Variants in MXI1 observed in about 807,000 individuals in gnomAD.
MXI1 encodes MAX interactor 1, dimerization protein.
Under a neutral mutation model 36.9 loss-of-function variants are expected in MXI1, and 18 were observed. The ratio of observed to expected loss-of-function variants is 0.49; its 90% confidence interval spans 0.34 to 0.72. The LOEUF is 0.72. Ranked by LOEUF, MXI1 falls within the 30% of genes least tolerant of loss-of-function variation. The pLI is 0.01. For missense variants in MXI1, 304 were observed against 379.1 expected (o/e 0.80, Z 1.64); for synonymous variants, 160 against 146.7 (o/e 1.09, Z -0.65).
At chr10:110,261,238 C>T (rs1348216468) in intron 3 of MXI1, 3 of 680,520 alleles carry the variant, frequency 4.4e-6, no homozygotes, top group Non-Finnish European at 1.8e-6. Context: ...TGCCAAGCCC[C>T]ATTCCTAATT....
intron 3 of MXI1, among the ~76,000 whole-genome samples, chr10:110,271,391 CCAGT>C (rs1444167385): frequency 1.3e-5 from 2 of 152,170 alleles, no homozygotes. Context: ...CCACTGTGTG[CCAGT>C]CATTCTGTTT....
intron 5 of MXI1, among the ~76,000 whole-genome samples, chr10:110,280,482 C>A (rs930952919): frequency 3.3e-5 from 5 of 151,706 alleles, no homozygotes; most frequent in African/African-American, 1.2e-4. Context: ...AGATCGAGGC[C>A]ATCCTGGCTA....
At chr10:110,210,404 G>T in intron 1 of MXI1, 1 of 520,580 alleles carries the variant, frequency 1.9e-6, no homozygotes, top group Non-Finnish European at 2.5e-6. Flanking sequence ...TCTTTTCGCC[G>T]CTGCTGTTTG....
In MXI1 at chr10:110,228,289, C is replaced by T; in HGVS notation, c.375C>T (p.Ser125=). ...GGTTGAGCCGGGCACAGAAACACAG[C>T]AGCGGGAGCAGCAACACCAGCACTG... ...PRRLSRAQKH[S]SGSSNTSTAN... is the part of the protein sequence containing the mutation. Residue 125 remains serine (S), a synonymous_variant, in exon 2 of 6, where the codon AGC becomes AGT. Coordinates refer to ENST00000332674, the MANE Select transcript of MXI1 (RefSeq NM_130439.3). The T allele has an allele frequency of 6.2e-7, 1 of 1,614,156 alleles. No individual in the cohort carries two copies. The highest frequency in any genetic ancestry group is 1.1e-5 in the South Asian group (1 of 91,078).
chr10:110,229,541 C>T (rs1855186786), intron 2 of MXI1, among the ~76,000 whole-genome samples: 1 of 152,176 alleles, frequency 6.6e-6, no homozygotes, highest in Non-Finnish European at 1.5e-5. Flanking sequence ...TCACTTTTCT[C>T]CTTTGACTTC....
intron 1 of MXI1, among the ~76,000 whole-genome samples, chr10:110,210,823 C>T (rs1854493341): frequency 6.6e-6 from 1 of 152,210 alleles, no homozygotes; most frequent in Non-Finnish European, 1.5e-5. Flanking sequence ...TAACGCGAGT[C>T]GGGGGGCGGG....
At position 110,244,949 on chromosome 10, in the gene MXI1, T is replaced by G. The variant is rs113218823; in HGVS notation, c.437+92T>G. The G allele has an allele frequency of 1.5e-5, 19 of 1,293,402 alleles. No homozygotes were observed. The Admixed American group carries it at 4.4e-4, about 30-fold the overall frequency. The allele number at this position is 1,293,402 out of a possible 1,614,324, so 80.1% of individuals were successfully genotyped here. On this transcript the variant is annotated intron_variant, in intron 3 of 5. Coordinates refer to ENST00000332674, the MANE Select transcript of MXI1 (RefSeq NM_130439.3). ...AATAATGTAATAGTGCATATGTAGT[T>G]GTAATTTTATTTTTCAGATGTATAG...
intron 1 of MXI1, among the ~76,000 whole-genome samples, chr10:110,213,950 C>A (rs1026154301): frequency 2.6e-5 from 4 of 152,228 alleles, no homozygotes; most frequent in African/African-American, 9.7e-5. Flanking sequence ...AAGTATGGGG[C>A]TATGCATTCA....
chr10:110,223,757 G>GA (rs1251994213), intron 1 of MXI1, among the ~76,000 whole-genome samples: 1 of 150,390 alleles, frequency 6.6e-6, no homozygotes, highest in Non-Finnish European at 1.5e-5. Context: ...AATGACCTGG[G>GA]AAAGTCCAGA....
intron 1 of MXI1, among the ~76,000 whole-genome samples, chr10:110,216,656 G>A (rs1403108547): frequency 1.2e-5 from 1 of 86,800 alleles, no homozygotes; most frequent in East Asian, 3.1e-4. Flanking sequence ...TCCCCTATCT[G>A]TGTTTAATGT....
chr10:110,267,460 C>A (rs1256794904), intron 3 of MXI1, among the ~76,000 whole-genome samples: 2 of 152,146 alleles, frequency 1.3e-5, no homozygotes, highest in Admixed American at 6.5e-5. Context: ...CCAAATATGT[C>A]ATTTTTCTTC....
At chr10:110,246,798 G>T (rs1221015196) in intron 3 of MXI1, among the ~76,000 whole-genome samples, 1 of 151,014 alleles carries the variant, frequency 6.6e-6, no homozygotes, top group Non-Finnish European at 1.5e-5. Context: ...TCGTTTTAAA[G>T]AATCTTTTCT....
intron 2 of MXI1, among the ~76,000 whole-genome samples, chr10:110,240,148 A>G (rs1211221383): frequency 2.0e-5 from 3 of 152,048 alleles, no homozygotes; most frequent in Non-Finnish European, 4.4e-5. Context: ...TTGTATGAAT[A>G]TTTCACAATT....
At chr10:110,262,900 A>C (rs1010950839) in intron 3 of MXI1, among the ~76,000 whole-genome samples, 2 of 152,148 alleles carry the variant, frequency 1.3e-5, no homozygotes, top group East Asian at 1.9e-4. Flanking sequence ...ATCCAAACTG[A>C]TCTCTCTAAA....
At chr10:110,255,262 C>T (rs1856244113) in intron 3 of MXI1, among the ~76,000 whole-genome samples, 1 of 152,166 alleles carries the variant, frequency 6.6e-6, no homozygotes, top group African/African-American at 2.4e-5. Flanking sequence ...TTGTTTATAG[C>T]ATAGTTTACT....
At chr10:110,255,690 A>T (rs1856261867) in intron 3 of MXI1, among the ~76,000 whole-genome samples, 1 of 152,228 alleles carries the variant, frequency 6.6e-6, no homozygotes, top group South Asian at 2.1e-4. Context: ...AGATGAAAAG[A>T]TATCCTGTGC....
intron 3 of MXI1, among the ~76,000 whole-genome samples, chr10:110,264,937 T>TC (rs1197663880): frequency 6.6e-6 from 1 of 150,936 alleles, no homozygotes; most frequent in African/African-American, 2.4e-5. Flanking sequence ...TGTTAAAAAT[T>TC]TTTTTTTTTT....
intron 3 of MXI1, among the ~76,000 whole-genome samples, chr10:110,246,585 T>C (rs1262539107): frequency 6.6e-6 from 1 of 152,182 alleles, no homozygotes; most frequent in African/African-American, 2.4e-5. Flanking sequence ...TAAGGCTGAA[T>C]AGGTAGCATT....
chr10:110,251,010 T>TTTTTTTTTTTTTTTTTTTTTTTTTG (rs376734108), intron 3 of MXI1, among the ~76,000 whole-genome samples: 2 of 54,974 alleles, frequency 3.6e-5, no homozygotes, highest in African/African-American at 2.0e-4. Flanking sequence ...AAGTATTTGT[T>TTTTTTTTTTTTTTTTTTTTTTTTTG]AAAAAAAAAA....
Sources: allele counts gnomAD v4.1 joint callset (sites outside exome capture counted in the v4.1 genomes callset), GRCh38; gene constraint gnomAD v4.1.1; transcripts MANE v1.5; gene names NCBI Gene and HGNC (gene_info 2026-07-23, HGNC 2026-07-21).